CCDC152: variants seen among roughly 807,000 people sequenced by gnomAD.
CCDC152 encodes coiled-coil domain containing 152.
Under a neutral mutation model 38.1 loss-of-function variants are expected in CCDC152, and 37 were observed. That is an observed-to-expected ratio of 0.97 (90% CI 0.75 to 1.28). The LOEUF is 1.28. Among genes scored for constraint, CCDC152 ranks in the 50% most tolerant of loss-of-function variants. The pLI, the probability that CCDC152 is intolerant of heterozygous loss-of-function variation, is 0.00. For missense variants in CCDC152, 259 were observed against 292.1 expected, an observed-to-expected ratio of 0.89 and a Z score of 0.83; for synonymous variants, 83 against 87.1, an observed-to-expected ratio of 0.95 and a Z score of 0.26.
chr5:42,784,182 G>A (rs1759887587), intron 6 of CCDC152, among the ~76,000 whole-genome samples: 1 of 151,950 alleles, frequency 6.6e-6, no homozygotes, highest in Non-Finnish European at 1.5e-5. Context: ...TTTTCCATAG[G>A]GGTGAAACTA....
intron 6 of CCDC152, among the ~76,000 whole-genome samples, chr5:42,788,592 C>T (rs944049076): frequency 5.3e-5 from 8 of 151,992 alleles, no homozygotes; most frequent in Non-Finnish European, 7.4e-5. Flanking sequence ...TAGTAACTGT[C>T]CAAATATTTT....
intron 3 of CCDC152, among the ~76,000 whole-genome samples, chr5:42,768,399 G>A (rs748410699): frequency 6.6e-6 from 1 of 152,092 alleles, no homozygotes; most frequent in Non-Finnish European, 1.5e-5. Context: ...AGTCTCTGCT[G>A]TTGTAGCCCT....
chr5:42,757,602 A>T (rs954549434), intron 1 of CCDC152, among the ~76,000 whole-genome samples: 5 of 152,188 alleles, frequency 3.3e-5, no homozygotes, highest in African/African-American at 1.2e-4. Flanking sequence ...ACAGGGCAAG[A>T]CCATATTCAC....
chr5:42,774,022 C>T (rs761619714), intron 4 of CCDC152, among the ~76,000 whole-genome samples: 2 of 152,100 alleles, frequency 1.3e-5, no homozygotes, highest in Non-Finnish European at 2.9e-5. Context: ...GTTGTCACGC[C>T]CTGCTAACAA....
At chr5:42,784,563 G>A (rs1296867622) in intron 6 of CCDC152, among the ~76,000 whole-genome samples, 1 of 151,936 alleles carries the variant, frequency 6.6e-6, no homozygotes, top group Non-Finnish European at 1.5e-5. Flanking sequence ...TAGGTTGTCT[G>A]TTTATGCTGT....
At chr5:42,758,176 C>G (rs1015043441) in intron 1 of CCDC152, among the ~76,000 whole-genome samples, 3 of 152,010 alleles carry the variant, frequency 2.0e-5, no homozygotes, top group Admixed American at 2.0e-4. Context: ...ATTTAAAAAC[C>G]ATTAATAATT....
chr5:42,779,877 T>C (rs1256647411), intron 5 of CCDC152, among the ~76,000 whole-genome samples: 1 of 152,176 alleles, frequency 6.6e-6, no homozygotes, highest in Non-Finnish European at 1.5e-5. Flanking sequence ...GTGAACTTTC[T>C]TATTATAATG....
intron 6 of CCDC152, among the ~76,000 whole-genome samples, chr5:42,788,549 C>G (rs1311687426): frequency 6.6e-6 from 1 of 151,992 alleles, no homozygotes; most frequent in African/African-American, 2.4e-5. Context: ...CATGAGCCAC[C>G]GTGCCTGGTC....
At chr5:42,769,509 A>G (rs1759669989) in intron 3 of CCDC152, 88 bp from the exon 4 acceptor site, 1 of 1,318,492 alleles carries the variant, frequency 7.6e-7, no homozygotes, top group African/African-American at 1.5e-5. Flanking sequence ...TGGCTTAAAT[A>G]TTATTTTATT....
At chr5:42,761,366 A>G (rs1759550784) in intron 2 of CCDC152, among the ~76,000 whole-genome samples, 1 of 152,176 alleles carries the variant, frequency 6.6e-6, no homozygotes, top group Admixed American at 6.5e-5. Context: ...TGTAATCCCA[A>G]CACTTTGGGA....
chr5:42,771,931 A>G (rs1174853063), intron 4 of CCDC152, among the ~76,000 whole-genome samples: 1 of 152,238 alleles, frequency 6.6e-6, no homozygotes. Context: ...TCACCCGGAC[A>G]CCAAAATCAG....
At chr5:42,768,156 T>TA (rs1759650222) in intron 3 of CCDC152, among the ~76,000 whole-genome samples, 1 of 152,208 alleles carries the variant, frequency 6.6e-6, no homozygotes, top group African/African-American at 2.4e-5. Flanking sequence ...GCAGAATCTC[T>TA]AATTAAAAGG....
At chr5:42,757,539 G>A (rs1759497149) in intron 1 of CCDC152, among the ~76,000 whole-genome samples, 1 of 152,160 alleles carries the variant, frequency 6.6e-6, no homozygotes, top group Non-Finnish European at 1.5e-5. Context: ...CAGTCTCTGC[G>A]GCTCACTAAG....
At chr5:42,759,275 A>G in intron 2 of CCDC152, 67 bp downstream of exon 2, 2 of 920,676 alleles carry the variant, frequency 2.2e-6, no homozygotes, top group Non-Finnish European at 3.3e-6. Flanking sequence ...CAAGGGAAGA[A>G]GTTGGGAAGA....
At chr5:42,786,623 GT>G (rs1288756044) in intron 6 of CCDC152, among the ~76,000 whole-genome samples, 1 of 151,816 alleles carries the variant, frequency 6.6e-6, no homozygotes, top group Non-Finnish European at 1.5e-5. Flanking sequence ...GATTTTTGGA[GT>G]TTTGTTTTCA....
In CCDC152 at chr5:42,801,221, A is replaced by C; in HGVS notation, c.*1440A>C. On this transcript the variant is annotated 3_prime_UTR_variant, in exon 9 of 9. Coordinates refer to ENST00000361970, the MANE Select transcript of CCDC152 (RefSeq NM_001134848.2). ...AAAGCTCACTGCTGCCAAGGTGCTG[A>C]TGTCCATGATTGTGATGATGCTCAT... 6.2e-7 allele frequency: 1 copy of C among 1,614,144 alleles called. No homozygotes were observed. The highest frequency in any genetic ancestry group is 1.6e-4 in the Middle Eastern group (1 of 6,062).
At chr5:42,784,327 T>C (rs1759890981) in intron 6 of CCDC152, among the ~76,000 whole-genome samples, 1 of 152,192 alleles carries the variant, frequency 6.6e-6, no homozygotes, top group Admixed American at 6.5e-5. Flanking sequence ...AGGTATCTTA[T>C]TGTGGTTTTA....
chr5:42,761,582 T>C (rs1261551659), intron 2 of CCDC152, among the ~76,000 whole-genome samples: 23 of 151,596 alleles, frequency 1.5e-4, no homozygotes, highest in Non-Finnish European at 1.6e-4. Context: ...CCCACTGCAC[T>C]CCAGCCTGGG....
chr5:42,796,977 T>C (rs976505919), intron 7 of CCDC152, 21 bp downstream of exon 7: 2 of 1,475,282 alleles, frequency 1.4e-6, no homozygotes, highest in African/African-American at 2.9e-5. Context: ...AAGAGTCTGC[T>C]AAACTTGAGG....
Sources: gnomAD v4.1 joint callset for allele counts (sites outside exome capture counted in the v4.1 genomes callset) on GRCh38, gnomAD v4.1.1 for gene constraint, MANE v1.5 for transcripts, NCBI Gene and HGNC (gene_info 2026-07-23, HGNC 2026-07-21) for gene names.